SHLD1: variants seen among roughly 807,000 people sequenced by gnomAD.
The protein encoded by SHLD1 is RINN1-REV7-interacting novel NHEJ regulator 3.
SHLD1 carries 3 observed loss-of-function variants against 5.5 expected under a neutral mutation model. The observed-to-expected ratio is 0.54, with a 90% CI of 0.25 to 1.40. The LOEUF is 1.40. Ranked by LOEUF, SHLD1 falls within the 40% of genes most tolerant of loss-of-function variation. The pLI, the probability that SHLD1 is intolerant of heterozygous loss-of-function variation, is 0.15. For synonymous variants in SHLD1, 92 were observed against 94.3 expected (o/e 0.98, Z 0.14); for missense variants, 210 against 244.4 (o/e 0.86, Z 0.94).
intron 2 of SHLD1, among the ~76,000 whole-genome samples, chr20:5,857,960 A>G (rs891606076): frequency 6.6e-6 from 1 of 152,122 alleles, no homozygotes; most frequent in African/African-American, 2.4e-5. Flanking sequence ...TTAGCCGGGC[A>G]TGGTGGCGGG....
intron 1 of SHLD1, among the ~76,000 whole-genome samples, chr20:5,761,923 A>G (rs1312360532): frequency 6.6e-6 from 1 of 151,952 alleles, no homozygotes; most frequent in Non-Finnish European, 1.5e-5. Context: ...TATTAATTTC[A>G]TATAATTCTT....
At chr20:5,785,012 G>A (rs1178559258) in intron 2 of SHLD1, among the ~76,000 whole-genome samples, 1 of 152,180 alleles carries the variant, frequency 6.6e-6, no homozygotes. Flanking sequence ...TGGCCTGATA[G>A]CTCCTCTCAA....
chr20:5,786,334 T>A (rs1034304489), intron 2 of SHLD1, among the ~76,000 whole-genome samples: 1 of 152,228 alleles, frequency 6.6e-6, no homozygotes, highest in Non-Finnish European at 1.5e-5. Flanking sequence ...CCCAGCACTT[T>A]GGGAAGCCGA....
chr20:5,773,224 C>T (rs1985269725), intron 2 of SHLD1, 181 bp downstream of exon 2: 2 of 740,520 alleles, frequency 2.7e-6, no homozygotes, highest in East Asian at 2.7e-5. Context: ...GCTTACCTGG[C>T]ACAGCAATGA....
intron 2 of SHLD1, among the ~76,000 whole-genome samples, chr20:5,777,930 T>C (rs982385686): frequency 1.3e-5 from 2 of 152,104 alleles, no homozygotes; most frequent in Non-Finnish European, 2.9e-5. Context: ...TTATTCAAAC[T>C]TAAACATTTT....
chr20:5,778,884 C>A (rs1409661630), intron 2 of SHLD1, among the ~76,000 whole-genome samples: 2 of 152,122 alleles, frequency 1.3e-5, no homozygotes, highest in African/African-American at 4.8e-5. Context: ...TCCAGAGCTA[C>A]CTTTTGTGAG....
At chr20:5,780,673 C>G (rs8121281) in intron 2 of SHLD1, among the ~76,000 whole-genome samples, 40,853 of 152,148 alleles carry the variant, frequency 0.27, 5,514 homozygotes, top group Middle Eastern at 0.34. Flanking sequence ...GCAGCTGCCC[C>G]TGACCATGGG....
At chr20:5,764,157 T>TATATATA (rs1491519084) in intron 1 of SHLD1, among the ~76,000 whole-genome samples, 1 of 42,000 alleles carries the variant, frequency 2.4e-5, no homozygotes, top group Admixed American at 2.7e-4. Flanking sequence ...TATATTTATA[T>TATATATA]TTATATATAT....
chr20:5,838,438 GATAAAA>G (rs1217620619), intron 2 of SHLD1, among the ~76,000 whole-genome samples: 2 of 152,274 alleles, frequency 1.3e-5, no homozygotes, highest in South Asian at 2.1e-4. Flanking sequence ...ATATTATGTA[GATAAAA>G]ATAAAAATTA....
intron 1 of SHLD1, among the ~76,000 whole-genome samples, chr20:5,753,663 C>T (rs571364249): frequency 3.3e-5 from 5 of 152,262 alleles, no homozygotes; most frequent in East Asian, 3.9e-4. Flanking sequence ...TTTGTCGCCA[C>T]GTGTACAAGC....
At chr20:5,789,129 CAAAAACAA>C (rs1028228670) in intron 2 of SHLD1, among the ~76,000 whole-genome samples, 10 of 144,316 alleles carry the variant, frequency 6.9e-5, no homozygotes, top group Non-Finnish European at 1.2e-4. Flanking sequence ...GAGACTGTCT[CAAAAACAA>C]AAAAACAAAA....
chr20:5,800,655 C>T (rs650713), intron 2 of SHLD1, among the ~76,000 whole-genome samples: 129,464 of 151,980 alleles, frequency 0.85, 55,365 homozygotes, highest in East Asian at 1. Context: ...GCCACTGCAC[C>T]CCAGCCTGGG....
intron 2 of SHLD1, among the ~76,000 whole-genome samples, chr20:5,810,813 T>A (rs989946088): frequency 9.3e-5 from 14 of 150,044 alleles, no homozygotes; most frequent in African/African-American, 3.4e-4. Flanking sequence ...GGCAGGAGAA[T>A]CGCTTGAACC....
At chr20:5,844,799 A>ATATATATATATATATATT (rs1460082835) in intron 2 of SHLD1, among the ~76,000 whole-genome samples, 1 of 71,692 alleles carries the variant, frequency 1.4e-5, no homozygotes, top group Non-Finnish European at 3.1e-5. Flanking sequence ...ATATATATAT[A>ATATATATATATATATATT]TTTTTTTTTT....
At chr20:5,857,101 G>A (rs573478026) in intron 2 of SHLD1, among the ~76,000 whole-genome samples, 8 of 151,992 alleles carry the variant, frequency 5.3e-5, no homozygotes, top group Admixed American at 2.0e-4. Flanking sequence ...CTTGCCTCCC[G>A]AGTAGCTGGG....
chr20:5,755,646 G>A (rs917091685), intron 1 of SHLD1, among the ~76,000 whole-genome samples: 9 of 151,496 alleles, frequency 5.9e-5, no homozygotes, highest in African/African-American at 1.5e-4. Context: ...CACAACCTCC[G>A]CCTCCCAGGT....
At chr20:5,788,603 A>T (rs921067242) in intron 2 of SHLD1, among the ~76,000 whole-genome samples, 1 of 152,154 alleles carries the variant, frequency 6.6e-6, no homozygotes, top group African/African-American at 2.4e-5. Context: ...ATTTAAACGT[A>T]CCAGATGTGT....
At chr20:5,763,290 CA>C (rs57863188) in intron 1 of SHLD1, among the ~76,000 whole-genome samples, 1,612 of 58,060 alleles carry the variant, frequency 0.028, 14 homozygotes, top group African/African-American at 0.084. Flanking sequence ...AACTCCATCT[CA>C]AAAAAAAAAA....
chr20:5,857,623 A>G (rs2122507533), intron 2 of SHLD1, among the ~76,000 whole-genome samples: 1 of 152,116 alleles, frequency 6.6e-6, no homozygotes, highest in East Asian at 1.9e-4. Context: ...AGCCTGGGCA[A>G]CGTGGTGAAA....
Sources: gnomAD v4.1 joint callset for allele counts (sites outside exome capture counted in the v4.1 genomes callset) on GRCh38, gnomAD v4.1.1 for gene constraint, MANE v1.5 for transcripts, NCBI Gene and HGNC (gene_info 2026-07-23, HGNC 2026-07-21) for gene names.